TMEM242: variants seen among roughly 807,000 people sequenced by gnomAD.
TMEM242 encodes the protein transmembrane protein 242.
In TMEM242, 10 loss-of-function variants were observed where a neutral mutation model predicts 18.2. That is an observed-to-expected ratio of 0.55 (90% confidence interval 0.34 to 0.93). The LOEUF (loss-of-function observed/expected upper bound fraction) is 0.93, where lower values mean the gene tolerates loss of function less well. TMEM242 is among the 40% of genes least tolerant of loss of function. The pLI, the probability that TMEM242 is intolerant of heterozygous loss-of-function variation, is 0.02. For missense variants in TMEM242, 186 were observed against 175.5 expected, an observed-to-expected ratio of 1.06 and a Z score of -0.34; for synonymous variants, 57 against 69.9, an observed-to-expected ratio of 0.81 and a Z score of 0.92.
Position 157,322,786 on chromosome 6 carries a change from G to A in TMEM242, c.108C>T (p.Thr36=), listed in dbSNP as rs199909449. The change falls in exon 2 of 4, where the codon ACC becomes ACT. Residue 36 remains threonine, a synonymous_variant. Coordinates refer to ENST00000400788, the MANE Select transcript of TMEM242 (RefSeq NM_018452.6). ...CAGCTAGCATTCCCGCTGCAGCAAC[G>A]GTACCAAGGAAAATTCCACCTGCCA... The part of the protein sequence containing the change: ...FLVKGGIFLG[T]VAAAGMLAGF... 1.0e-4 allele frequency: 166 copies of A among 1,613,534 alleles called. 1 individual carries two copies. The Admixed American group carries it at 1.3e-3, about 13-fold the overall frequency.
chr6:157,312,684 T>C (rs797042646), intron 3 of TMEM242, among the ~76,000 whole-genome samples: 2,134 of 86,654 alleles, frequency 0.025, 17 homozygotes, highest in African/African-American at 0.033. Context: ...TCACCTAGCC[T>C]CATCATAGTG....
intron 3 of TMEM242, among the ~76,000 whole-genome samples, chr6:157,297,552 C>G (rs1243779831): frequency 6.6e-6 from 1 of 152,136 alleles, no homozygotes; most frequent in African/African-American, 2.4e-5. Context: ...TTCAAGGAGC[C>G]CAGCACATCA....
At chr6:157,298,507 A>G (rs1777781600) in intron 3 of TMEM242, among the ~76,000 whole-genome samples, 3 of 152,238 alleles carry the variant, frequency 2.0e-5, no homozygotes, top group Admixed American at 6.5e-5. Flanking sequence ...GCATGTACAC[A>G]CATGCCCAAC....
intron 3 of TMEM242, among the ~76,000 whole-genome samples, chr6:157,300,481 A>AC (rs1164024128): frequency 6.6e-6 from 1 of 152,220 alleles, no homozygotes; most frequent in Non-Finnish European, 1.5e-5. Context: ...GCTTCTATTA[A>AC]CTACGGATGA....
intron 3 of TMEM242, chr6:157,299,028 G>A (rs1554247332): frequency 7.0e-6 from 2 of 286,388 alleles, no homozygotes. Context: ...ATTTCAGAAT[G>A]GTAGTTTTAG....
chr6:157,314,467 C>T (rs1307258226), intron 3 of TMEM242, among the ~76,000 whole-genome samples: 1 of 151,422 alleles, frequency 6.6e-6, no homozygotes, highest in African/African-American at 2.4e-5. Flanking sequence ...AAAATTGGTG[C>T]TATCTTAATT....
intron 3 of TMEM242, among the ~76,000 whole-genome samples, chr6:157,310,011 C>T (rs1218915505): frequency 6.6e-6 from 1 of 152,184 alleles, no homozygotes; most frequent in Non-Finnish European, 1.5e-5. Context: ...GGTCCACAGA[C>T]ATAGCGCATA....
At chr6:157,317,032 T>C (rs1778403736) in intron 3 of TMEM242, among the ~76,000 whole-genome samples, 1 of 152,236 alleles carries the variant, frequency 6.6e-6, no homozygotes, top group Non-Finnish European at 1.5e-5. Context: ...TATGAGGTTG[T>C]TCCTGCAACC....
chr6:157,310,634 G>C (rs1033322146), intron 3 of TMEM242, among the ~76,000 whole-genome samples: 2 of 107,426 alleles, frequency 1.9e-5, no homozygotes, highest in African/African-American at 3.2e-5. Context: ...CCTCATCATA[G>C]TGTCCCAGTG....
At position 157,317,001 on chromosome 6, in the gene TMEM242, T is replaced by C. The variant is rs587663140; in HGVS notation, c.327+1781A>G. ...TATGTTTGTTTACGATTAAACTAAA[T>C]ATGAAAAGCTCAATAATGTCTATGA... On this transcript the variant is annotated intron_variant, in intron 3 of 3. Coordinates refer to ENST00000400788, the MANE Select transcript of TMEM242 (RefSeq NM_018452.6). Among the ~76,000 whole-genome samples, 180 of 152,350 alleles carry C rather than the reference T, an allele frequency of 1.2e-3. 1 individual carries two copies. The Middle Eastern group carries it at 0.024, about 20-fold the overall frequency.
intron 3 of TMEM242, among the ~76,000 whole-genome samples, chr6:157,296,229 G>A (rs1382187568): frequency 6.6e-6 from 1 of 152,198 alleles, no homozygotes; most frequent in Non-Finnish European, 1.5e-5. Context: ...GGGAACTAGA[G>A]TACCCATCCA....
At chr6:157,295,635 G>A (rs782473505) in intron 3 of TMEM242, among the ~76,000 whole-genome samples, 4 of 152,100 alleles carry the variant, frequency 2.6e-5, no homozygotes, top group Non-Finnish European at 5.9e-5. Flanking sequence ...GCAGGGTTAC[G>A]TTTCCATTTC....
chr6:157,314,764 C>T (rs587601206), intron 3 of TMEM242, among the ~76,000 whole-genome samples: 4 of 152,284 alleles, frequency 2.6e-5, no homozygotes, highest in African/African-American at 9.6e-5. Context: ...AAATGAAATT[C>T]CAGAATAATT....
At chr6:157,319,429 A>T (rs1778458535) in intron 2 of TMEM242, among the ~76,000 whole-genome samples, 1 of 152,232 alleles carries the variant, frequency 6.6e-6, no homozygotes, top group Non-Finnish European at 1.5e-5. Context: ...TAAATGCAGG[A>T]TAGACTAGTT....
At chr6:157,309,861 G>C (rs918401894) in intron 3 of TMEM242, among the ~76,000 whole-genome samples, 3 of 151,936 alleles carry the variant, frequency 2.0e-5, no homozygotes, top group Non-Finnish European at 4.4e-5. Flanking sequence ...GCTCCTGTGA[G>C]GACAACAGCT....
At chr6:157,303,213 G>C (rs151189808) in intron 3 of TMEM242, among the ~76,000 whole-genome samples, 1,986 of 152,306 alleles carry the variant, frequency 0.013, 49 homozygotes, top group African/African-American at 0.045. Context: ...ATAGGGATTT[G>C]GTAAATGTAG....
chr6:157,313,430 C>A (rs1583571865), intron 3 of TMEM242, among the ~76,000 whole-genome samples: 4 of 150,496 alleles, frequency 2.7e-5, no homozygotes, highest in Admixed American at 6.6e-5. Flanking sequence ...CTCACCTGGC[C>A]TCATCATAGT....
chr6:157,301,072 A>G (rs1195418123), intron 3 of TMEM242, among the ~76,000 whole-genome samples: 2 of 152,074 alleles, frequency 1.3e-5, no homozygotes, highest in Admixed American at 6.5e-5. Flanking sequence ...GCATACCCTA[A>G]TAAGCCCAGT....
At chr6:157,312,249 TATC>T (rs587656068) in intron 3 of TMEM242, among the ~76,000 whole-genome samples, 5,081 of 77,584 alleles carry the variant, frequency 0.065, 254 homozygotes, top group African/African-American at 0.22. Flanking sequence ...CATCTAGCCT[TATC>T]ATAGTTTCCC....
Sources: allele counts gnomAD v4.1 joint callset (sites outside exome capture counted in the v4.1 genomes callset), GRCh38; gene constraint gnomAD v4.1.1; transcripts MANE v1.5; gene names NCBI Gene and HGNC (gene_info 2026-07-23, HGNC 2026-07-21).